CHST11: variants seen among roughly 807,000 people sequenced by gnomAD.
CHST11 encodes carbohydrate sulfotransferase 11, also known as C4S-1.
A neutral mutation model predicts 30.4 loss-of-function variants in CHST11; 9 were observed. That is an observed-to-expected ratio of 0.30 (90% CI 0.18 to 0.52). The LOEUF is 0.52. Among genes scored for constraint, CHST11 ranks in the 20% least tolerant of loss-of-function variants. CHST11 has a pLI of 0.97. For missense variants in CHST11, 348 were observed against 460.6 expected (o/e 0.76, Z 2.24); for synonymous variants, 152 against 187.8 (o/e 0.81, Z 1.56).
intron 2 of CHST11, among the ~76,000 whole-genome samples, chr12:104,623,416 A>G (rs969593039): frequency 4.6e-5 from 7 of 152,220 alleles, no homozygotes; most frequent in African/African-American, 1.4e-4. Context: ...CGTGGTAGAT[A>G]AAAGTGCATG....
chr12:104,622,586 T>A (rs907371834), intron 2 of CHST11, among the ~76,000 whole-genome samples: 1 of 152,168 alleles, frequency 6.6e-6, no homozygotes, highest in Non-Finnish European at 1.5e-5. Flanking sequence ...AAGCTCTTAA[T>A]AAATGTCAGG....
chr12:104,730,557 G>A (rs1454797881), intron 2 of CHST11, among the ~76,000 whole-genome samples: 2 of 152,162 alleles, frequency 1.3e-5, no homozygotes, highest in Non-Finnish European at 2.9e-5. Flanking sequence ...GGTGTGTCTC[G>A]GATGCAGGTG....
At chr12:104,686,527 T>A (rs1442109057) in intron 2 of CHST11, among the ~76,000 whole-genome samples, 2 of 152,242 alleles carry the variant, frequency 1.3e-5, no homozygotes, top group Non-Finnish European at 2.9e-5. Flanking sequence ...GCTATTTATT[T>A]AAAATTGTAG....
intron 2 of CHST11, among the ~76,000 whole-genome samples, chr12:104,610,752 C>T (rs549448778): frequency 3.3e-5 from 5 of 152,278 alleles, no homozygotes; most frequent in African/African-American, 1.2e-4. Context: ...ATCTTCCTTT[C>T]CCAGTGGAGT....
At chr12:104,541,140 A>ACT (rs1217151162) in intron 1 of CHST11, among the ~76,000 whole-genome samples, 1 of 141,814 alleles carries the variant, frequency 7.1e-6, no homozygotes, top group African/African-American at 3.1e-5. Context: ...TCACACACAC[A>ACT]CACACACACA....
intron 1 of CHST11, among the ~76,000 whole-genome samples, chr12:104,526,466 C>A (rs1425019251): frequency 6.6e-6 from 1 of 152,178 alleles, no homozygotes; most frequent in East Asian, 1.9e-4. Context: ...ATTGATGGCC[C>A]TTCTGGCATG....
intron 1 of CHST11, among the ~76,000 whole-genome samples, chr12:104,470,391 AT>A (rs1336238207): frequency 6.6e-6 from 1 of 152,194 alleles, no homozygotes; most frequent in Non-Finnish European, 1.5e-5. Context: ...CCAGACACTG[AT>A]AAAGCCATCA....
intron 1 of CHST11, among the ~76,000 whole-genome samples, chr12:104,488,740 CGT>C (rs56383997): frequency 0.45 from 66,092 of 145,438 alleles, 14,845 homozygotes; most frequent in South Asian, 0.55. Flanking sequence ...TATGTGTACG[CGT>C]GTGTGTGTGT....
chr12:104,621,657 G>A (rs1183370699), intron 2 of CHST11, among the ~76,000 whole-genome samples: 1 of 152,200 alleles, frequency 6.6e-6, no homozygotes, highest in African/African-American at 2.4e-5. Flanking sequence ...ACAAGCCTAG[G>A]AATGTAAGTG....
intron 2 of CHST11, among the ~76,000 whole-genome samples, chr12:104,738,131 G>A (rs2040316146): frequency 6.6e-6 from 1 of 152,180 alleles, no homozygotes; most frequent in African/African-American, 2.4e-5. Flanking sequence ...CTTTCTGGAA[G>A]GCCCTGGTCA....
chr12:104,544,235 C>A (rs1250231425), intron 1 of CHST11, among the ~76,000 whole-genome samples: 2 of 151,798 alleles, frequency 1.3e-5, no homozygotes, highest in Non-Finnish European at 2.9e-5. Context: ...TGAGAACCTT[C>A]TGGCTCTAAA....
chr12:104,495,644 A>G (rs1306145864), intron 1 of CHST11, among the ~76,000 whole-genome samples: 1 of 152,240 alleles, frequency 6.6e-6, no homozygotes, highest in African/African-American at 2.4e-5. Flanking sequence ...TTGAGTGCTT[A>G]TTAAGTGTTC....
At position 104,600,089 on chromosome 12, in the gene CHST11, T is replaced by G. The variant is rs2038944876; in HGVS notation, c.119-1817T>G. Among the ~76,000 whole-genome samples the G allele has an allele frequency of 6.6e-6, 1 of 152,190 alleles. No homozygotes were observed. The highest frequency in any genetic ancestry group is 1.5e-5 in the Non-Finnish European group (1 of 68,024). On this transcript the variant is annotated intron_variant, in intron 1 of 2. Coordinates refer to ENST00000303694, the MANE Select transcript of CHST11 (RefSeq NM_018413.6). The surrounding 1 kb of genome is among the most constrained non-coding windows in gnomAD (Gnocchi z 4.1). ...CAGAAAATTTTGCTGACCCCTGCCC[T>G]AGGAAGTCAAGGAAAAGGAAAGAGA... is the stretch of plus-strand genomic sequence containing the variant.
chr12:104,666,616 T>G (rs774493067), intron 2 of CHST11, among the ~76,000 whole-genome samples: 7 of 152,180 alleles, frequency 4.6e-5, no homozygotes, highest in Non-Finnish European at 8.8e-5. Flanking sequence ...TGCATTGGTA[T>G]TCAAATTCAG....
At chr12:104,750,571 G>C (rs970409653) in intron 2 of CHST11, among the ~76,000 whole-genome samples, 1 of 150,644 alleles carries the variant, frequency 6.6e-6, no homozygotes, top group Non-Finnish European at 1.5e-5. Context: ...AGCCTCCCCA[G>C]TAGCTGGGAG....
intron 1 of CHST11, among the ~76,000 whole-genome samples, chr12:104,475,171 G>A (rs1186447488): frequency 6.6e-6 from 1 of 152,120 alleles, no homozygotes; most frequent in African/African-American, 2.4e-5. Flanking sequence ...AGTATGAACT[G>A]TCTGACATCT....
chr12:104,746,147 C>T (rs1012842918), intron 2 of CHST11, among the ~76,000 whole-genome samples: 2 of 152,184 alleles, frequency 1.3e-5, no homozygotes, highest in Admixed American at 6.5e-5. Flanking sequence ...ATGACGGTAT[C>T]AGTGAGATCT....
intron 2 of CHST11, among the ~76,000 whole-genome samples, chr12:104,748,662 A>G (rs2040407188): frequency 1.3e-5 from 2 of 152,174 alleles, no homozygotes; most frequent in African/African-American, 4.8e-5. Context: ...GAGAAGCCTC[A>G]GGGAACACCA....
intron 2 of CHST11, among the ~76,000 whole-genome samples, chr12:104,693,074 T>A (rs1452436699): frequency 6.6e-6 from 1 of 152,162 alleles, no homozygotes; most frequent in Non-Finnish European, 1.5e-5. Context: ...TCTTGCTGCA[T>A]CCTCACTTGG....
Sources: gnomAD v4.1 joint callset for allele counts (sites outside exome capture counted in the v4.1 genomes callset) on GRCh38, gnomAD v4.1.1 for gene constraint, Gnocchi (gnomAD v3.1) non-coding constraint, MANE v1.5 for transcripts, NCBI Gene and HGNC (gene_info 2026-07-23, HGNC 2026-07-21) for gene names.